PIGT: variants seen among roughly 807,000 people sequenced by gnomAD.
PIGT encodes GPI-anchor transamidase component PIGT.
In PIGT, 57 loss-of-function variants were observed where a neutral mutation model predicts 66.7. The observed-to-expected ratio is 0.86, with a 90% CI of 0.69 to 1.07. The LOEUF (loss-of-function observed/expected upper bound fraction) is 1.07. PIGT is among the 50% of genes least tolerant of loss of function. The pLI is 0.00. For missense variants in PIGT, 725 were observed against 740.4 expected (o/e 0.98, Z 0.24); for synonymous variants, 362 against 320.5 (o/e 1.13, Z -1.38).
At chr20:45,424,927 C>T (rs1990614113) in intron 11 of PIGT, 2 of 321,200 alleles carry the variant, frequency 6.2e-6, no homozygotes, top group African/African-American at 4.2e-5. Flanking sequence ...CCTTTGCTTA[C>T]AGTCTAGAAG....
At chr20:45,416,880 G>A (rs1990014376) in intron 2 of PIGT, 186 bp downstream of exon 2, 1 of 516,524 alleles carries the variant, frequency 1.9e-6, no homozygotes, top group Non-Finnish European at 3.3e-6. Context: ...AAAACTTTCA[G>A]ACCTGAGGTA....
chr20:45,426,017 T>A lies in PIGT; in HGVS notation c.*191T>A. On this transcript the variant is annotated 3_prime_UTR_variant, in exon 12 of 12. Transcript: ENST00000279036. ...TGTGGCATTTGAATTTGAATTAACTTAGAAATTCATTTCCTCACCTGTAGT... is the reference window on the plus strand; with the variant it reads ...TGTGGCATTTGAATTTGAATTAACTAAGAAATTCATTTCCTCACCTGTAGT... 1.6e-6 allele frequency: 1 copy of A among 645,112 alleles called. No homozygotes were observed. The highest frequency in any genetic ancestry group is 2.6e-6 in the Non-Finnish European group (1 of 379,710). 40.0% of individuals were successfully genotyped at this position (645,112 alleles called of 1,614,324 possible).
chr20:45,421,373 C>T lies in PIGT; in HGVS notation c.1034-10C>T. 1 of 1,610,500 alleles carries T rather than the reference C, an allele frequency of 6.2e-7. No homozygotes were observed. The highest frequency in any genetic ancestry group is 8.5e-7 in the Non-Finnish European group (1 of 1,177,768). Reference sequence around the variant, plus strand: ...TGGCAGCTGTTAACTGTTGATATTTCTTTACACAGAGGCCCCCCCAGTGCC... The same window carrying T: ...TGGCAGCTGTTAACTGTTGATATTTTTTTACACAGAGGCCCCCCCAGTGCC... On this transcript the variant is annotated splice_polypyrimidine_tract_variant and intron_variant, in intron 8 of 11. Coordinates refer to ENST00000279036, the MANE Select transcript of PIGT (RefSeq NM_015937.6).
At position 45,416,248 on chromosome 20, in the gene PIGT, G is replaced by C. The variant is rs1374569411; in HGVS notation, c.92G>C (p.Arg31Pro). Reference protein sequence around the residue: ...CLAEPPRDSLREELVITPLPS... With the variant: ...CLAEPPRDSLPEELVITPLPS... Reference sequence around the variant, plus strand: ...GCAGAACCCCCACGCGACAGCCTGCGGGAGGAACTTGTCATCACCCCGCTG... The same window carrying C: ...GCAGAACCCCCACGCGACAGCCTGCCGGAGGAACTTGTCATCACCCCGCTG... Residue 31 changes from arginine (R) to proline (P), a missense_variant, in exon 1 of 12, where the codon CGG becomes CCG. By Grantham distance (103) the Arg-to-Pro change is moderately radical. Coordinates refer to ENST00000279036, the MANE Select transcript of PIGT (RefSeq NM_015937.6). 9 of 1,596,054 alleles carry C rather than the reference G, an allele frequency of 5.6e-6. No homozygotes were observed. The highest frequency in any genetic ancestry group is 7.7e-6 in the Non-Finnish European group (9 of 1,171,814).
intron 2 of PIGT, chr20:45,418,614 C>T (rs1990137776): frequency 6.2e-6 from 3 of 482,350 alleles, no homozygotes; most frequent in Non-Finnish European, 1.1e-5. Flanking sequence ...ATCACCTGAG[C>T]AGAGACCCAT....
intron 5 of PIGT, 179 bp from the exon 6 acceptor site, chr20:45,419,957 T>G: frequency 1.6e-6 from 1 of 611,188 alleles, no homozygotes; most frequent in South Asian, 1.9e-5. Flanking sequence ...ATCAAACTGA[T>G]GCACATACAG....
chr20:45,418,308 A>G (rs568426036), intron 2 of PIGT: 26 of 187,916 alleles, frequency 1.4e-4, no homozygotes, highest in Admixed American at 3.2e-4. Flanking sequence ...GCTCTGATAC[A>G]TGAGGCGCTT....
chr20:45,423,762 A>G lies in PIGT; in HGVS notation c.1235-454A>G, dbSNP rs570873642. 39 of 157,808 alleles carry G rather than the reference A, an allele frequency of 2.5e-4. No homozygotes were observed. In the South Asian group the frequency reaches 7.0e-3, roughly 28 times the overall value. 9.8% of individuals were successfully genotyped at this position (157,808 alleles called of 1,614,324 possible). A position where few individuals can be genotyped will look rare whatever the true frequency, so the allele number is the denominator to read the frequency against. On this transcript the variant is annotated intron_variant, in intron 9 of 11. Transcript: ENST00000279036. ...GAAGAAACTGGGTCATTTGTTGTGT[A>G]GAATGTTCCACATTCTGGGTTTGTC...
At chr20:45,419,985 G>A in intron 5 of PIGT, 151 bp from the exon 6 acceptor site, 1 of 636,762 alleles carries the variant, frequency 1.6e-6, no homozygotes. Flanking sequence ...CACGGGGTCT[G>A]GCACGAGGTC....
Position 45,421,596 on chromosome 20 carries a change from G to A in PIGT, c.1234+13G>A. 6.2e-7 allele frequency: 1 copy of A among 1,612,514 alleles called. No homozygotes were observed. Among genetic ancestry groups the A allele is most frequent in the African/African-American group, 1.3e-5 (1 of 74,978 alleles). On this transcript the variant is annotated intron_variant, in intron 9 of 11. Coordinates refer to ENST00000279036, the MANE Select transcript of PIGT (RefSeq NM_015937.6). ...GAGAACAAACCAAGTGAGGACCTGA[G>A]TCCTGAACCAGGCCCCCAGCCCGCC...
intron 9 of PIGT, chr20:45,422,314 CTA>C (rs1990415629): frequency 6.6e-6 from 1 of 152,186 alleles, no homozygotes; most frequent in African/African-American, 2.4e-5. Context: ...TTCAAAATCT[CTA>C]TTTCAGACAT....
chr20:45,424,241 G>A lies in PIGT; in HGVS notation c.1260G>A (p.Gln420=). The change falls in exon 10 of 12, where the codon CAG becomes CAA. Residue 420 remains glutamine (Q), a synonymous_variant. Transcript: ENST00000279036. ...GTTACATCCACTACCAGCCTGCCCA[G>A]GACCGGCTGCAACCCCACCTCCTGG... is the stretch of plus-strand genomic sequence containing the variant. ...KPSYIHYQPA[Q]DRLQPHLLEM... is the part of the protein sequence containing the mutation. 1.2e-6 allele frequency: 2 copies of A among 1,614,176 alleles called. No individual in the cohort carries two copies. The highest frequency in any genetic ancestry group is 1.3e-5 in the African/African-American group (1 of 75,040).
chr20:45,420,431 T>C lies in PIGT; in HGVS notation c.867+2T>C. On this transcript the variant is annotated splice_donor_variant, in intron 7 of 11. Transcript: ENST00000279036. LOFTEE classifies it high-confidence loss of function. ...GTGGACATCACCACCTACAACCAGGTAACAAGGTCTCCAGCCACACACACA... is the reference window on the plus strand; with the variant it reads ...GTGGACATCACCACCTACAACCAGGCAACAAGGTCTCCAGCCACACACACA... 1 of 1,612,434 alleles carries C rather than the reference T, an allele frequency of 6.2e-7. No individual in the cohort carries two copies. The highest frequency in any genetic ancestry group is 8.5e-7 in the Non-Finnish European group (1 of 1,179,154).
chr20:45,424,680 A>C, intron 11 of PIGT, 101 bp downstream of exon 11: 1 of 822,678 alleles, frequency 1.2e-6, no homozygotes, highest in Non-Finnish European at 2.1e-6. Context: ...TAGATGTTAC[A>C]TCTTCCAAAG....
chr20:45,424,291 A>T lies in PIGT; in HGVS notation c.1310A>T (p.Asn437Ile). The change falls in exon 10 of 12, where the codon AAC (asparagine) becomes ATC (isoleucine). Residue 437 changes from asparagine (N) to isoleucine (I), a missense_variant. Coordinates refer to ENST00000279036, the MANE Select transcript of PIGT (RefSeq NM_015937.6). ...GAGATGCTGATTCAGCTGCCGGCCAACTCAGTCACCAAGGTTTCCATCCAG... is the reference window on the plus strand; with the variant it reads ...GAGATGCTGATTCAGCTGCCGGCCATCTCAGTCACCAAGGTTTCCATCCAG... ...LLEMLIQLPA[N>I]SVTKVSIQFE... The T allele has an allele frequency of 6.2e-7, 1 of 1,614,188 alleles. No individual in the cohort carries two copies.
chr20:45,425,900 T>TG lies in PIGT; in HGVS notation c.*75dup. 1 of 1,538,556 alleles carries TG rather than the reference T, an allele frequency of 6.5e-7. No individual in the cohort carries two copies. Among genetic ancestry groups the TG allele is most frequent in the Non-Finnish European group, 8.8e-7 (1 of 1,140,180 alleles). Reference sequence around the variant, plus strand: ...GAGCCCAAGGGCTGTTTCTGCCACTTGCTCTCCTCAGAGTTGGCTTTTGAA... The same window carrying TG: ...GAGCCCAAGGGCTGTTTCTGCCACTTGGCTCTCCTCAGAGTTGGCTTTTGAA... On this transcript the variant is annotated 3_prime_UTR_variant, in exon 12 of 12. Transcript: ENST00000279036.
rs1434297475 is a variant in PIGT, at chr20:45,418,883, G to C, written c.397G>C (p.Val133Leu). 1.5e-5 allele frequency: 25 copies of C among 1,613,940 alleles called. No individual in the cohort carries two copies. Among genetic ancestry groups the C allele is most frequent in the Non-Finnish European group, 2.1e-5 (25 of 1,179,960 alleles). ...VDKSWKELSN[V>L]LSGIFCASLN... ...TAAATCTTGGAAGGAGCTCAGTAAT[G>C]TCCTCTCAGGGATCTTCTGCGCCTC... The change falls in exon 3 of 12, where the codon GTC (valine) becomes CTC (leucine). Residue 133 changes from valine (V) to leucine (L), a missense_variant. By Grantham distance (32) the Val-to-Leu change is conservative (BLOSUM62 1). Coordinates refer to ENST00000279036, the MANE Select transcript of PIGT (RefSeq NM_015937.6).
At position 45,420,332 on chromosome 20, in the gene PIGT, A is replaced by C. The variant is rs61753669; in HGVS notation, c.770A>C (p.Asp257Ala). 35,754 of 1,611,980 alleles carry C rather than the reference A, an allele frequency of 0.022. 451 individuals are homozygous for C. The highest frequency in any genetic ancestry group is 0.027 in the Middle Eastern group (161 of 6,056). Residue 257 changes from aspartate to alanine, a missense_variant and splice_region_variant, in exon 7 of 12, where the codon GAC (aspartate) becomes GCC (alanine). Asp to Ala is a moderately radical substitution (Grantham distance 126). Transcript: ENST00000279036. The stretch of plus-strand genomic sequence containing the variant: ...CTCAGCCCTGCGCTCTGTTTCTCAG[A>C]CTGGTCCCTCTTCCGGATGTTCTCC... ...DAFITGQGKK[D>A]WSLFRMFSRT...
In PIGT at chr20:45,416,240, C is replaced by T. The variant is rs1184846951; in HGVS notation, c.84C>T (p.Asp28=). Residue 28 remains aspartate (D), a synonymous_variant, in exon 1 of 12, where the codon GAC becomes GAT. Transcript: ENST00000279036. ...GGWCLAEPPR[D]SLREELVITP... ...GGTGCCTTGCAGAACCCCCACGCGA[C>T]AGCCTGCGGGAGGAACTTGTCATCA... 2 of 1,596,726 alleles carry T rather than the reference C, an allele frequency of 1.3e-6. No homozygotes were observed. Among genetic ancestry groups the T allele is most frequent in the East Asian group, 4.6e-5 (2 of 43,836 alleles).
Sources: gnomAD v4.1 joint callset for allele counts on GRCh38, gnomAD v4.1.1 for gene constraint, MANE v1.5 for transcripts, NCBI Gene and HGNC (gene_info 2026-07-23, HGNC 2026-07-21) for gene names.